Variants in TGFB2 observed in about 807,000 individuals in gnomAD.
TGFB2 encodes transforming growth factor beta 2.
TGFB2 carries 13 observed loss-of-function variants against 42.7 expected under a neutral mutation model. That is an observed-to-expected ratio of 0.30 (90% CI 0.20 to 0.48). The LOEUF (loss-of-function observed/expected upper bound fraction) is 0.48. TGFB2 is among the 20% of genes least tolerant of loss of function. The pLI, the probability that TGFB2 is intolerant of heterozygous loss-of-function variation, is 0.99. For synonymous variants in TGFB2, 193 were observed against 193.6 expected (o/e 1.00, Z 0.03); for missense variants, 390 against 517.5 (o/e 0.75, Z 2.39).
Position 218,442,361 on chromosome 1 carries a change from C to T in TGFB2, c.*999C>T, listed in dbSNP as rs1312537835. ...ATAGAAGCCAGCATAATTGAAAACA[C>T]ATCTGCAGATCTCTTTTGCAAACTA... On this transcript the variant is annotated 3_prime_UTR_variant, in exon 7 of 7. Coordinates refer to ENST00000366930, the MANE Select transcript of TGFB2 (RefSeq NM_003238.6). The T allele has an allele frequency of 2.0e-5, 3 of 152,136 alleles. No homozygotes were observed. The South Asian group carries it at 6.2e-4, about 32-fold the overall frequency. The allele number at this position is 152,136 out of a possible 1,614,324, so 9.4% of individuals were successfully genotyped here. A position where few individuals can be genotyped will look rare whatever the true frequency, so the allele number is the denominator to read the frequency against.
In TGFB2 at chr1:218,434,352, T is replaced by C; in HGVS notation, c.658T>C (p.Phe220Leu). 1 of 1,613,880 alleles carries C rather than the reference T, an allele frequency of 6.2e-7. No homozygotes were observed. Among genetic ancestry groups the C allele is most frequent in the South Asian group, 1.1e-5 (1 of 91,052 alleles). Reference protein sequence around the residue: ...WLHHKDRNLGFKISLHCPCCT... With the variant: ...WLHHKDRNLGLKISLHCPCCT... ...ATGTTTTCCAGACAGGAACCTGGGA[T>C]TTAAAATAAGCTTACACTGTCCCTG... The change falls in exon 4 of 7, where the codon TTT becomes CTT. Residue 220 changes from phenylalanine (F) to leucine (L), a missense_variant. Phe to Leu is a conservative substitution (Grantham distance 22). Coordinates refer to ENST00000366930, the MANE Select transcript of TGFB2 (RefSeq NM_003238.6).
At chr1:218,379,680 T>C (rs1657894652) in intron 1 of TGFB2, among the ~76,000 whole-genome samples, 1 of 152,138 alleles carries the variant, frequency 6.6e-6, no homozygotes, top group African/African-American at 2.4e-5. Context: ...ACAGTGTCCT[T>C]TTTCTGTTCT....
At chr1:218,436,793 A>G (rs753539107) in intron 5 of TGFB2, among the ~76,000 whole-genome samples, 13 of 152,186 alleles carry the variant, frequency 8.5e-5, no homozygotes, top group Non-Finnish European at 2.9e-5. Flanking sequence ...GTAAAGTGGC[A>G]CTTTTTGGTT....
At chr1:218,393,246 A>G (rs1658376849) in intron 1 of TGFB2, among the ~76,000 whole-genome samples, 1 of 152,184 alleles carries the variant, frequency 6.6e-6, no homozygotes, top group Non-Finnish European at 1.5e-5. Flanking sequence ...CTTTGCAGGG[A>G]TGAGCAAGAA....
chr1:218,377,045 C>T (rs1301078410), intron 1 of TGFB2, among the ~76,000 whole-genome samples: 2 of 151,870 alleles, frequency 1.3e-5, no homozygotes, highest in Non-Finnish European at 2.9e-5. Context: ...CAGATGATGC[C>T]ACCACACCTG....
intron 1 of TGFB2, among the ~76,000 whole-genome samples, chr1:218,374,298 A>AG (rs1189369788): frequency 6.6e-6 from 1 of 152,358 alleles, no homozygotes; most frequent in East Asian, 1.9e-4. Flanking sequence ...CCAGTTCCTG[A>AG]TAGGCCCCAT....
At chr1:218,421,070 C>T (rs1210576837) in intron 2 of TGFB2, among the ~76,000 whole-genome samples, 2 of 152,028 alleles carry the variant, frequency 1.3e-5, no homozygotes, top group Non-Finnish European at 2.9e-5. Context: ...TGGTAGGCAC[C>T]CCCAAAGTGA....
At chr1:218,405,579 G>A in intron 2 of TGFB2, 1 of 531,026 alleles carries the variant, frequency 1.9e-6, no homozygotes, top group Non-Finnish European at 3.3e-6. Context: ...GTGTTGCCCT[G>A]GCTGATCTGG....
rs150838963 is a variant in TGFB2, at chr1:218,411,381, T to C, written c.510+6049T>C. Among the ~76,000 whole-genome samples the C allele has an allele frequency of 4.7e-3, 719 of 152,252 alleles. 12 individuals carry two copies. The highest frequency in any genetic ancestry group is 0.017 in the African/African-American group (691 of 41,550). ...AGCATTTAGATGACAGTTGGGCTGG[T>C]CTGGAGGATTGATGATGGCTTTGTG... On this transcript the variant is annotated intron_variant, in intron 2 of 6. Transcript: ENST00000366930.
intron 1 of TGFB2, among the ~76,000 whole-genome samples, chr1:218,385,264 G>T (rs928660121): frequency 2.6e-5 from 4 of 152,164 alleles, no homozygotes; most frequent in African/African-American, 9.7e-5. Context: ...ATGACCTCTG[G>T]AATATGTGGA....
At chr1:218,419,000 C>T (rs928177859) in intron 2 of TGFB2, among the ~76,000 whole-genome samples, 2 of 152,148 alleles carry the variant, frequency 1.3e-5, no homozygotes, top group African/African-American at 2.4e-5. Context: ...TAATACACCC[C>T]CTCAGCAGCT....
At chr1:218,377,690 C>T (rs893292844) in intron 1 of TGFB2, among the ~76,000 whole-genome samples, 1 of 148,342 alleles carries the variant, frequency 6.7e-6, no homozygotes, top group Non-Finnish European at 1.5e-5. Context: ...CCACCCCCGA[C>T]CCCTGGGAAG....
intron 1 of TGFB2, among the ~76,000 whole-genome samples, chr1:218,351,801 A>T (rs1283453037): frequency 2.0e-5 from 3 of 152,174 alleles, no homozygotes; most frequent in African/African-American, 4.8e-5. Context: ...TGGTGAAAAG[A>T]TGGTGATGTA....
At chr1:218,425,745 T>C (rs1026541641) in intron 2 of TGFB2, among the ~76,000 whole-genome samples, 34 of 152,208 alleles carry the variant, frequency 2.2e-4, no homozygotes, top group African/African-American at 8.2e-4. Flanking sequence ...ACCTTTCTCA[T>C]TAAATAGTGA....
chr1:218,350,057 C>G (rs1291100639), intron 1 of TGFB2, among the ~76,000 whole-genome samples: 3 of 152,156 alleles, frequency 2.0e-5, no homozygotes, highest in Non-Finnish European at 4.4e-5. Context: ...GTTTAACAAT[C>G]CATTTGAAGT....
At chr1:218,372,656 T>G (rs1426055619) in intron 1 of TGFB2, among the ~76,000 whole-genome samples, 1 of 152,228 alleles carries the variant, frequency 6.6e-6, no homozygotes, top group African/African-American at 2.4e-5. Context: ...GGCAAAGACT[T>G]GGACTTGGAC....
intron 1 of TGFB2, among the ~76,000 whole-genome samples, chr1:218,393,642 G>T (rs1416558623): frequency 6.6e-6 from 1 of 152,116 alleles, no homozygotes; most frequent in African/African-American, 2.4e-5. Flanking sequence ...AGAAAAAGAG[G>T]AGAGAAAGAA....
chr1:218,413,651 A>G (rs1022363510), intron 2 of TGFB2, among the ~76,000 whole-genome samples: 1 of 152,150 alleles, frequency 6.6e-6, no homozygotes, highest in East Asian at 1.9e-4. Flanking sequence ...AAGTGACTCA[A>G]CTTACTTTTG....
chr1:218,410,177 A>T (rs1053284697), intron 2 of TGFB2, among the ~76,000 whole-genome samples: 1 of 152,212 alleles, frequency 6.6e-6, no homozygotes, highest in African/African-American at 2.4e-5. Flanking sequence ...AATATAGCCC[A>T]AGAGTTTTGA....
Sources: allele counts gnomAD v4.1 joint callset (sites outside exome capture counted in the v4.1 genomes callset), GRCh38; gene constraint gnomAD v4.1.1; transcripts MANE v1.5; gene names NCBI Gene and HGNC (gene_info 2026-07-23, HGNC 2026-07-21).